Variants in ZNF253 observed in about 807,000 individuals in gnomAD.
ZNF253 encodes zinc finger protein 253, also known as DNA-binding protein.
In ZNF253, 8 loss-of-function variants were observed where a neutral mutation model predicts 11.9. The ratio of observed to expected loss-of-function variants is 0.67; its 90% CI spans 0.40 to 1.22. The LOEUF is 1.22. ZNF253 is among the 50% of genes most tolerant of loss of function. The pLI is 0.01. For missense variants in ZNF253, 485 were observed against 586.9 expected, an observed-to-expected ratio of 0.83 and a Z score of 1.79; for synonymous variants, 194 against 194.9, an observed-to-expected ratio of 1.00 and a Z score of 0.04.
intron 1 of ZNF253, among the ~76,000 whole-genome samples, chr19:19,877,661 C>T (rs1038838310): frequency 1.3e-5 from 2 of 152,090 alleles, no homozygotes; most frequent in African/African-American, 2.4e-5. Flanking sequence ...AGGCGTGAGC[C>T]ACCATGCCTG....
At chr19:19,879,452 G>T (rs376072730) in intron 2 of ZNF253, among the ~76,000 whole-genome samples, 3 of 151,864 alleles carry the variant, frequency 2.0e-5, no homozygotes, top group African/African-American at 7.3e-5. Context: ...AATGTTCTGC[G>T]TACATGTTAA....
At position 19,892,900 on chromosome 19, in the gene ZNF253, A is replaced by T; in HGVS notation, c.*153A>T. On this transcript the variant is annotated 3_prime_UTR_variant, in exon 4 of 4. Transcript: ENST00000589717. Reference sequence around the variant, plus strand: ...CTTTTTAAGGAAGTTCTCAACCCTTATTACACATAATTCATACCAAACAGA... The same window carrying T: ...CTTTTTAAGGAAGTTCTCAACCCTTTTTACACATAATTCATACCAAACAGA... 1.4e-6 allele frequency: 1 copy of T among 710,802 alleles called. No individual in the cohort carries two copies. The highest frequency in any genetic ancestry group is 2.7e-5 in the East Asian group (1 of 36,720). The allele number at this position is 710,802 out of a possible 1,614,324, so 44.0% of individuals were successfully genotyped here. A position where few individuals can be genotyped will look rare whatever the true frequency, so the allele number is the denominator to read the frequency against.
At position 19,894,265 on chromosome 19, in the gene ZNF253, T is replaced by C. The variant is rs770103798; in HGVS notation, c.*1518T>C. On this transcript the variant is annotated 3_prime_UTR_variant, in exon 4 of 4. Transcript: ENST00000589717. The stretch of plus-strand genomic sequence containing the variant: ...TTCTTGAAAAAATTTTTTTGAAAAG[T>C]GAATAATGATATAATACAGCTTTCA... 1 of 152,232 alleles carries C rather than the reference T, an allele frequency of 6.6e-6. No individual in the cohort carries two copies. The highest frequency in any genetic ancestry group is 1.5e-5 in the Non-Finnish European group (1 of 68,030). The allele number at this position is 152,232 out of a possible 1,614,324, so 9.4% of individuals were successfully genotyped here.
intron 3 of ZNF253, among the ~76,000 whole-genome samples, chr19:19,880,760 T>C (rs1305654196): frequency 6.7e-6 from 1 of 149,416 alleles, no homozygotes; most frequent in Non-Finnish European, 1.5e-5. Context: ...GCTTTTCCAT[T>C]GTTTTGGGGA....
intron 1 of ZNF253, among the ~76,000 whole-genome samples, chr19:19,873,092 G>C (rs2063141489): frequency 6.6e-6 from 1 of 152,154 alleles, no homozygotes; most frequent in Non-Finnish European, 1.5e-5. Context: ...GGCTCTGTGA[G>C]ATTTTTCACA....
intron 1 of ZNF253, among the ~76,000 whole-genome samples, chr19:19,869,519 G>A (rs767056132): frequency 4.6e-5 from 7 of 151,776 alleles, no homozygotes; most frequent in Non-Finnish European, 8.8e-5. Flanking sequence ...GCACCACCAG[G>A]CCCAGCTCAT....
chr19:19,894,252 T>C lies in ZNF253; in HGVS notation c.*1505T>C, dbSNP rs960711559. 3 of 152,150 alleles carry C rather than the reference T, an allele frequency of 2.0e-5. No individual in the cohort carries two copies. Among genetic ancestry groups the C allele is most frequent in the African/African-American group, 7.2e-5 (3 of 41,450 alleles). The allele number at this position is 152,150 out of a possible 1,614,324, so 9.4% of individuals were successfully genotyped here. ...AAGTATACTTGTTTTCTTGAAAAAA[T>C]TTTTTTGAAAAGTGAATAATGATAT... On this transcript the variant is annotated 3_prime_UTR_variant, in exon 4 of 4. Coordinates refer to ENST00000589717, the MANE Select transcript of ZNF253 (RefSeq NM_021047.3).
rs138306699 is a variant in ZNF253, at chr19:19,867,161, G to A, written c.3+1162G>A. On this transcript the variant is annotated intron_variant, in intron 1 of 3. Coordinates refer to ENST00000589717, the MANE Select transcript of ZNF253 (RefSeq NM_021047.3). Reference sequence around the variant, plus strand: ...TTGAAGACCAGCCTGGCCAAAATGGGGAAACCCCATCTCTACTAAAAGTAC... The same window carrying A: ...TTGAAGACCAGCCTGGCCAAAATGGAGAAACCCCATCTCTACTAAAAGTAC... 3.9e-4 allele frequency among the ~76,000 whole-genome samples: 59 copies of A among 152,144 alleles called. 2 individuals carry two copies. The East Asian group carries it at 0.011, about 29-fold the overall frequency.
intron 3 of ZNF253, among the ~76,000 whole-genome samples, chr19:19,885,721 G>C (rs1378860151): frequency 6.6e-6 from 1 of 152,016 alleles, no homozygotes; most frequent in Non-Finnish European, 1.5e-5. Flanking sequence ...ATATTTGTTA[G>C]TTTATTTTGT....
In ZNF253 at chr19:19,879,973, CCT is replaced by C. The variant is rs1301346815; in HGVS notation, c.131-73_131-72del. On this transcript the variant is annotated intron_variant, in intron 2 of 3. Transcript: ENST00000589717. ...GATTTACTGGAATATTTTATCACAT[CCT>C]CTCTGCTGAGCACAGTACTAGCTTG... 1.9e-5 allele frequency: 15 copies of C among 769,968 alleles called. No homozygotes were observed. The South Asian group carries it at 3.2e-4, about 16-fold the overall frequency. The allele number at this position is 769,968 out of a possible 1,614,324, so 47.7% of individuals were successfully genotyped here.
In ZNF253 at chr19:19,892,317, C is replaced by A. The variant is rs1196832397; in HGVS notation, c.1070C>A (p.Thr357Lys). The A allele has an allele frequency of 6.2e-7, 1 of 1,611,104 alleles. No individual in the cohort carries two copies. Among genetic ancestry groups the A allele is most frequent in the African/African-American group, 1.3e-5 (1 of 74,710 alleles). Residue 357 changes from threonine to lysine, a missense_variant, in exon 4 of 4, where the codon ACA becomes AAA. By Grantham distance (78) the Thr-to-Lys change is moderately conservative (BLOSUM62 -1). Transcript: ENST00000589717. ...TTTCACCTATCCTCACACCTTACTA[C>A]ACATAAGATACTTCATACTGGAGAG... is the stretch of plus-strand genomic sequence containing the variant. Reference protein sequence around the residue: ...KAFHLSSHLTTHKILHTGEKP... With the variant: ...KAFHLSSHLTKHKILHTGEKP...
intron 3 of ZNF253, among the ~76,000 whole-genome samples, chr19:19,886,649 A>G (rs1169028251): frequency 6.6e-6 from 1 of 152,186 alleles, no homozygotes; most frequent in Non-Finnish European, 1.5e-5. Flanking sequence ...CTCTTACCAT[A>G]TAACATGTCC....
chr19:19,880,026 A>T (rs759304494), intron 2 of ZNF253, 25 bp from the exon 3 acceptor site: 27 of 1,560,964 alleles, frequency 1.7e-5, no homozygotes, highest in Non-Finnish European at 2.3e-5. Context: ...AGCAAGATTC[A>T]TGTTATTTAT....
At chr19:19,866,896 G>A (rs1689824922) in intron 1 of ZNF253, among the ~76,000 whole-genome samples, 1 of 152,168 alleles carries the variant, frequency 6.6e-6, no homozygotes, top group South Asian at 2.1e-4. Flanking sequence ...TCGCAGATTG[G>A]AACAGGCGGT....
At chr19:19,891,395 A>G (rs1420196020) in intron 3 of ZNF253, 79 bp from the exon 4 acceptor site, 2 of 1,228,040 alleles carry the variant, frequency 1.6e-6, no homozygotes, top group Admixed American at 2.9e-5. Flanking sequence ...TAGTTTGTAT[A>G]ATTTTATAGG....
chr19:19,872,752 T>A (rs1359894505), intron 1 of ZNF253, among the ~76,000 whole-genome samples: 1 of 151,844 alleles, frequency 6.6e-6, no homozygotes, highest in Non-Finnish European at 1.5e-5. Context: ...TCCCAGGTTA[T>A]AATCCTTAAG....
At position 19,892,760 on chromosome 19, in the gene ZNF253, A is replaced by G. The variant is rs1474045377; in HGVS notation, c.*13A>G. ...TAGCATAAGATAATTCATACTGGAG[A>G]GAAACCCTATGAATGTGATGAATGT... On this transcript the variant is annotated 3_prime_UTR_variant, in exon 4 of 4. Coordinates refer to ENST00000589717, the MANE Select transcript of ZNF253 (RefSeq NM_021047.3). The G allele has an allele frequency of 6.4e-7, 1 of 1,567,924 alleles. No homozygotes were observed. Among genetic ancestry groups the G allele is most frequent in the Non-Finnish European group, 8.6e-7 (1 of 1,160,300 alleles).
At chr19:19,870,195 G>A (rs1055707242) in intron 1 of ZNF253, among the ~76,000 whole-genome samples, 13 of 151,820 alleles carry the variant, frequency 8.6e-5, no homozygotes, top group Admixed American at 2.6e-4. Flanking sequence ...TCAGGAGTTC[G>A]ACACCAGCCT....
Position 19,892,194 on chromosome 19 carries a change from A to C in ZNF253, c.947A>C (p.Glu316Ala). ...HTRGKPYNCE[E>A]CGKSFKHCSN... ...AGAGGGAAACCCTACAACTGTGAAGAATGTGGCAAATCCTTTAAGCACTGC... is the reference window on the plus strand; with the variant it reads ...AGAGGGAAACCCTACAACTGTGAAGCATGTGGCAAATCCTTTAAGCACTGC... Residue 316 changes from glutamate to alanine, a missense_variant, in exon 4 of 4, where the codon GAA (glutamate) becomes GCA (alanine). Glu to Ala is a moderately radical substitution (Grantham distance 107). This residue lies in a region of ZNF253 where 232 missense variants were observed against 321.4 expected (regional missense o/e 0.72). Transcript: ENST00000589717. 6.2e-7 allele frequency: 1 copy of C among 1,613,830 alleles called. No individual in the cohort carries two copies. Among genetic ancestry groups the C allele is most frequent in the Admixed American group, 1.7e-5 (1 of 59,980 alleles).
Sources: allele counts gnomAD v4.1 joint callset (sites outside exome capture counted in the v4.1 genomes callset), GRCh38; gene constraint gnomAD v4.1.1; regional missense constraint gnomAD v4.1.1; transcripts MANE v1.5; gene names NCBI Gene and HGNC (gene_info 2026-07-23, HGNC 2026-07-21).